The following XPNPEP3 variants were observed in gnomAD, a reference collection of about 807,000 sequenced individuals.
XPNPEP3 encodes X-prolyl aminopeptidase 3, also known as xaa-Pro aminopeptidase 3.
A neutral mutation model predicts 60.0 loss-of-function variants in XPNPEP3; 41 were observed. That is an observed-to-expected ratio of 0.68 (90% CI 0.53 to 0.89). The LOEUF is 0.89. Ranked by LOEUF, XPNPEP3 falls within the 40% of genes least tolerant of loss-of-function variation. The pLI is 0.00. For missense variants in XPNPEP3, 598 were observed against 638.9 expected (o/e 0.94, Z 0.69); for synonymous variants, 212 against 223.2 (o/e 0.95, Z 0.45).
At chr22:40,925,230 A>T (rs2058230758) in intron 9 of XPNPEP3, among the ~76,000 whole-genome samples, 1 of 152,228 alleles carries the variant, frequency 6.6e-6, no homozygotes, top group Non-Finnish European at 1.5e-5. Flanking sequence ...CTTCAGAGAA[A>T]GCTAACAATC....
chr22:40,871,864 C>T (rs1013075902), intron 2 of XPNPEP3, among the ~76,000 whole-genome samples: 1 of 152,164 alleles, frequency 6.6e-6, no homozygotes, highest in African/African-American at 2.4e-5. Flanking sequence ...GAAATCCCGT[C>T]TCTACTAAAA....
At chr22:40,898,136 A>C (rs2058116353) in intron 4 of XPNPEP3, among the ~76,000 whole-genome samples, 1 of 151,326 alleles carries the variant, frequency 6.6e-6, no homozygotes, top group Admixed American at 6.6e-5. Context: ...TGTCATATCC[A>C]AGAAAATATT....
At chr22:40,896,589 A>G (rs892800286) in intron 4 of XPNPEP3, among the ~76,000 whole-genome samples, 8 of 151,860 alleles carry the variant, frequency 5.3e-5, no homozygotes, top group Non-Finnish European at 1.2e-4. Flanking sequence ...AGCCGAGATC[A>G]TGCTATTGCA....
intron 4 of XPNPEP3, among the ~76,000 whole-genome samples, chr22:40,898,854 C>T (rs2058120044): frequency 1.3e-5 from 2 of 152,184 alleles, no homozygotes; most frequent in Admixed American, 6.5e-5. Flanking sequence ...CAACCAGAAC[C>T]GTACTGTCTG....
intron 7 of XPNPEP3, among the ~76,000 whole-genome samples, chr22:40,915,289 A>G (rs1026634520): frequency 2.5e-4 from 38 of 152,054 alleles, no homozygotes; most frequent in African/African-American, 8.9e-4. Flanking sequence ...AAAAAACTAT[A>G]ATGGGCCAGG....
chr22:40,897,521 G>A (rs989092409), intron 4 of XPNPEP3, among the ~76,000 whole-genome samples: 4 of 142,070 alleles, frequency 2.8e-5, no homozygotes, highest in African/African-American at 1.0e-4. Context: ...TTCTTTTTTT[G>A]AGACAGAGTC....
At position 40,932,544 on chromosome 22, in the gene XPNPEP3, G is replaced by A. The variant is rs189310756; in HGVS notation, c.*6109G>A. On this transcript the variant is annotated 3_prime_UTR_variant, in exon 10 of 10. Coordinates refer to ENST00000357137, the MANE Select transcript of XPNPEP3 (RefSeq NM_022098.4). ...TTGTGCTGCTGTTCTCTACCTGTGTGTCACTGAGTTTGAGCATCATTATTG... is the reference window on the plus strand; with the variant it reads ...TTGTGCTGCTGTTCTCTACCTGTGTATCACTGAGTTTGAGCATCATTATTG... 1.3e-5 allele frequency: 2 copies of A among 152,226 alleles called. No homozygotes were observed. The highest frequency in any genetic ancestry group is 4.8e-5 in the African/African-American group (2 of 41,546). 9.4% of individuals were successfully genotyped at this position (152,226 alleles called of 1,614,324 possible). A position where few individuals can be genotyped will look rare whatever the true frequency, so the allele number is the denominator to read the frequency against.
At chr22:40,919,790 T>A (rs777778869) in intron 7 of XPNPEP3, among the ~76,000 whole-genome samples, 5 of 152,176 alleles carry the variant, frequency 3.3e-5, no homozygotes, top group African/African-American at 4.8e-5. Flanking sequence ...AGAATGAATA[T>A]GCAAATTGTG....
At chr22:40,897,973 T>C (rs984459964) in intron 4 of XPNPEP3, among the ~76,000 whole-genome samples, 1 of 152,046 alleles carries the variant, frequency 6.6e-6, no homozygotes, top group African/African-American at 2.4e-5. Flanking sequence ...TCCTTATATG[T>C]TTTTGATATT....
At chr22:40,915,997 A>G (rs1411755848) in intron 7 of XPNPEP3, among the ~76,000 whole-genome samples, 1 of 152,156 alleles carries the variant, frequency 6.6e-6, no homozygotes, top group African/African-American at 2.4e-5. Context: ...AAAATCTGAT[A>G]ATGAAATAAT....
intron 1 of XPNPEP3, chr22:40,860,656 C>CTTTT: frequency 8.8e-7 from 1 of 1,131,214 alleles, no homozygotes; most frequent in South Asian, 1.7e-5. Context: ...TTCCAAATTC[C>CTTTT]TTTTTTTTTT....
At chr22:40,874,651 C>T (rs1444177809) in intron 2 of XPNPEP3, among the ~76,000 whole-genome samples, 1 of 152,098 alleles carries the variant, frequency 6.6e-6, no homozygotes, top group African/African-American at 2.4e-5. Flanking sequence ...GTCTTGAACT[C>T]CTGGACTCAA....
chr22:40,861,722 AT>A, intron 1 of XPNPEP3: 1 of 1,614,092 alleles, frequency 6.2e-7, no homozygotes. Context: ...CATCTGGCTT[AT>A]GGAATGTGAA....
chr22:40,905,569 T>G (rs930334984), intron 4 of XPNPEP3, among the ~76,000 whole-genome samples: 2 of 152,082 alleles, frequency 1.3e-5, no homozygotes, highest in Non-Finnish European at 2.9e-5. Flanking sequence ...TGGAATTAAA[T>G]GCTATGAAGA....
chr22:40,929,580 G>A lies in XPNPEP3; in HGVS notation c.*3145G>A, dbSNP rs1214940175. 5.3e-5 allele frequency: 8 copies of A among 152,146 alleles called. No homozygotes were observed. Among genetic ancestry groups the A allele is most frequent in the African/African-American group, 1.9e-4 (8 of 41,420 alleles). The allele number at this position is 152,146 out of a possible 1,614,324, so 9.4% of individuals were successfully genotyped here. Reference sequence around the variant, plus strand: ...TACTTGGACATGAAACACACTTCTGGTTAGATTCCAGTCAAGTTCTATAGG... The same window carrying A: ...TACTTGGACATGAAACACACTTCTGATTAGATTCCAGTCAAGTTCTATAGG... On this transcript the variant is annotated 3_prime_UTR_variant, in exon 10 of 10. Coordinates refer to ENST00000357137, the MANE Select transcript of XPNPEP3 (RefSeq NM_022098.4).
intron 1 of XPNPEP3, among the ~76,000 whole-genome samples, chr22:40,867,144 G>A (rs752197603): frequency 1.4e-4 from 21 of 152,268 alleles, no homozygotes; most frequent in Middle Eastern, 3.4e-3. Flanking sequence ...CTAAATTAAG[G>A]AGTTAGATTT....
At chr22:40,888,469 C>T in intron 4 of XPNPEP3, 1 of 416,470 alleles carries the variant, frequency 2.4e-6, no homozygotes, top group South Asian at 1.7e-5. Flanking sequence ...GTCTCGAACT[C>T]CTGAGCTCAA....
At chr22:40,894,425 A>T (rs949070652) in intron 4 of XPNPEP3, among the ~76,000 whole-genome samples, 3 of 152,194 alleles carry the variant, frequency 2.0e-5, no homozygotes, top group African/African-American at 7.2e-5. Context: ...ATTTTGATAT[A>T]CGTATGCATA....
At chr22:40,883,506 A>ACAC (rs2058056681) in intron 3 of XPNPEP3, among the ~76,000 whole-genome samples, 1 of 152,046 alleles carries the variant, frequency 6.6e-6, no homozygotes, top group Admixed American at 6.6e-5. Flanking sequence ...CTACCTGGGC[A>ACAC]CACCACTATG....
Sources: gnomAD v4.1 joint callset for allele counts (sites outside exome capture counted in the v4.1 genomes callset) on GRCh38, gnomAD v4.1.1 for gene constraint, MANE v1.5 for transcripts, NCBI Gene and HGNC (gene_info 2026-07-23, HGNC 2026-07-21) for gene names.